EPGN: variants seen among roughly 807,000 people sequenced by gnomAD.
The protein encoded by EPGN is epithelial mitogen.
In EPGN, 21 loss-of-function variants were observed where a neutral mutation model predicts 20.7. The ratio of observed to expected loss-of-function variants is 1.01; its 90% CI spans 0.72 to 1.46. The LOEUF (loss-of-function observed/expected upper bound fraction) is 1.46, where lower values mean the gene tolerates loss of function less well. Ranked by LOEUF, EPGN falls within the 40% of genes most tolerant of loss-of-function variation. EPGN has a pLI of 0.00. For synonymous variants in EPGN, 69 were observed against 63.8 expected (o/e 1.08, Z -0.39); for missense variants, 199 against 180.7 (o/e 1.10, Z -0.58).
chr4:74,309,177 C>T lies in EPGN; in HGVS notation c.128C>T (p.Thr43Ile), dbSNP rs1750731806. 1 of 1,611,172 alleles carries T rather than the reference C, an allele frequency of 6.2e-7. No homozygotes were observed. Among genetic ancestry groups the T allele is most frequent in the Non-Finnish European group, 8.5e-7 (1 of 1,178,322 alleles). Residue 43 changes from threonine (T) to isoleucine (I), a missense_variant, in exon 2 of 5, where the codon ACA becomes ATA. Coordinates refer to ENST00000413830, the MANE Select transcript of EPGN (RefSeq NM_001270989.2). ...AQQGNWTVNK[T>I]EADNIEGPIA... ...CAAGGTAACTGGACAGTTAACAAAA[C>T]AGAAGGTATTTTCTTCCCATTTTCA...
At chr4:74,312,391 C>T in intron 3 of EPGN, 86 bp downstream of exon 3, 1 of 1,448,108 alleles carries the variant, frequency 6.9e-7, no homozygotes. Context: ...CCACACTTTT[C>T]TCTCTTTAGT....
intron 3 of EPGN, 68 bp downstream of exon 3, chr4:74,312,373 G>A: frequency 6.6e-7 from 1 of 1,513,380 alleles, no homozygotes; most frequent in Non-Finnish European, 8.8e-7. Flanking sequence ...GTTTCATATA[G>A]TACATTTCCA....
intron 2 of EPGN, among the ~76,000 whole-genome samples, chr4:74,309,874 A>C (rs1323379049): frequency 6.6e-6 from 1 of 152,138 alleles, no homozygotes; most frequent in Non-Finnish European, 1.5e-5. Flanking sequence ...TGCAAATCGC[A>C]TCCTGATTGC....
rs1750685167 is a variant in EPGN at position 74,308,592 on chromosome 4, T to C, written c.43+16T>C. ...TTATTCAACGGTAGGTAATTTCCTT[T>C]TGTTTTGTTAACTTTATATCAGTGT... On this transcript the variant is annotated intron_variant, in intron 1 of 4. Coordinates refer to ENST00000413830, the MANE Select transcript of EPGN (RefSeq NM_001270989.2). 1 of 1,607,066 alleles carries C rather than the reference T, an allele frequency of 6.2e-7. No individual in the cohort carries two copies. The highest frequency in any genetic ancestry group is 1.1e-5 in the South Asian group (1 of 90,232).
At chr4:74,312,880 A>C in intron 3 of EPGN, 138 bp from the exon 4 acceptor site, 1 of 707,996 alleles carries the variant, frequency 1.4e-6, no homozygotes, top group Non-Finnish European at 2.2e-6. Flanking sequence ...TGCCCGTAAC[A>C]GATTGGCTTT....
At position 74,312,239 on chromosome 4, in the gene EPGN, A is replaced by G. The variant is rs751639068; in HGVS notation, c.188A>G (p.Asp63Gly). Residue 63 changes from aspartate to glycine, a missense_variant, in exon 3 of 5, where the codon GAT becomes GGT. By Grantham distance (94) the Asp-to-Gly change is moderately conservative. Transcript: ENST00000413830. ...ALKFSHLCLE[D>G]HNSYCINGAC... ...AAGTTCTCACACCTTTGCCTGGAAG[A>G]TCATAACAGTTACTGCATCAACGGT... 92 of 1,613,438 alleles carry G rather than the reference A, an allele frequency of 5.7e-5. 4 individuals carry two copies. In the South Asian group the frequency reaches 7.9e-4, roughly 14 times the overall value.
chr4:74,313,746 G>C (rs1751119177), intron 4 of EPGN, among the ~76,000 whole-genome samples: 1 of 152,020 alleles, frequency 6.6e-6, no homozygotes, highest in Non-Finnish European at 1.5e-5. Context: ...TTCCACATGA[G>C]TAATTTTTCC....
intron 4 of EPGN, among the ~76,000 whole-genome samples, chr4:74,313,947 A>G (rs1367881301): frequency 6.6e-6 from 1 of 152,146 alleles, no homozygotes; most frequent in Admixed American, 6.5e-5. Flanking sequence ...TCTATATTAT[A>G]TCAGTTGTAG....
At chr4:74,310,964 C>A (rs1040798854) in intron 2 of EPGN, among the ~76,000 whole-genome samples, 5 of 152,008 alleles carry the variant, frequency 3.3e-5, no homozygotes, top group African/African-American at 1.2e-4. Flanking sequence ...AGATGTGGAA[C>A]CTATGAATAC....
chr4:74,314,751 A>C lies in EPGN; in HGVS notation c.*114A>C. The C allele has an allele frequency of 1.0e-6, 1 of 956,566 alleles. No individual in the cohort carries two copies. The highest frequency in any genetic ancestry group is 2.6e-5 in the East Asian group (1 of 37,964). The allele number at this position is 956,566 out of a possible 1,614,324, so 59.3% of individuals were successfully genotyped here. A position where few individuals can be genotyped will look rare whatever the true frequency, so the allele number is the denominator to read the frequency against. The stretch of plus-strand genomic sequence containing the variant: ...AGCTGACTAGACTCGAAAATAATGA[A>C]AGTTGGGATCACAATGAAATGAGAA... On this transcript the variant is annotated 3_prime_UTR_variant, in exon 5 of 5. Coordinates refer to ENST00000413830, the MANE Select transcript of EPGN (RefSeq NM_001270989.2).
chr4:74,315,021 A>G lies in EPGN; in HGVS notation c.*384A>G. 1 of 200,970 alleles carries G rather than the reference A, an allele frequency of 5.0e-6. No homozygotes were observed. The highest frequency in any genetic ancestry group is 1.0e-5 in the Non-Finnish European group (1 of 99,990). 12.4% of individuals were successfully genotyped at this position (200,970 alleles called of 1,614,324 possible). Reference sequence around the variant, plus strand: ...AAGCAATGCCTCGCTTGGGTTCTTCATGTTCTTACTACCCAGCGTTTTTTA... The same window carrying G: ...AAGCAATGCCTCGCTTGGGTTCTTCGTGTTCTTACTACCCAGCGTTTTTTA... On this transcript the variant is annotated 3_prime_UTR_variant, in exon 5 of 5. Transcript: ENST00000413830.
At chr4:74,311,384 A>T (rs892227937) in intron 2 of EPGN, among the ~76,000 whole-genome samples, 1 of 152,184 alleles carries the variant, frequency 6.6e-6, no homozygotes, top group Non-Finnish European at 1.5e-5. Flanking sequence ...GTAATACAAC[A>T]TAGTATTTTG....
In EPGN at chr4:74,316,526, T is replaced by C. The variant is rs549400999; in HGVS notation, c.*1889T>C. Among the ~76,000 whole-genome samples, 1 of 152,362 alleles carries C rather than the reference T, an allele frequency of 6.6e-6. No homozygotes were observed. The highest frequency in any genetic ancestry group is 2.1e-4 in the South Asian group (1 of 4,832). On this transcript the variant is annotated 3_prime_UTR_variant, in exon 5 of 5. Transcript: ENST00000413830. ...AGTAGAAGGTATTTAACTTGTTTTG[T>C]TTTTCCTTCAGAAGGAATTTAATGC...
In EPGN at chr4:74,314,567, T is replaced by C; in HGVS notation, c.408-13T>C. ...ACAGTCAAATTCATATGGAAACCAA[T>C]GCTCTGTTTCAGGTGTCTAAAATTG... On this transcript the variant is annotated splice_polypyrimidine_tract_variant and intron_variant, in intron 4 of 4. Coordinates refer to ENST00000413830, the MANE Select transcript of EPGN (RefSeq NM_001270989.2). 1 of 1,535,704 alleles carries C rather than the reference T, an allele frequency of 6.5e-7. No homozygotes were observed. The highest frequency in any genetic ancestry group is 8.7e-7 in the Non-Finnish European group (1 of 1,146,528).
chr4:74,311,561 A>C (rs16850899), intron 2 of EPGN, among the ~76,000 whole-genome samples: 9,163 of 152,226 alleles, frequency 0.06, 631 homozygotes, highest in African/African-American at 0.16. Context: ...TAAAAATGAC[A>C]AGTAAAATCC....
At position 74,316,380 on chromosome 4, in the gene EPGN, T is replaced by C. The variant is rs1305943194; in HGVS notation, c.*1743T>C. On this transcript the variant is annotated 3_prime_UTR_variant, in exon 5 of 5. Transcript: ENST00000413830. The stretch of plus-strand genomic sequence containing the variant: ...GCAAGACAATTTTGATCATGAGTGG[T>C]GAAAAGAGGATCAAACTTGACTATT... Among the ~76,000 whole-genome samples the C allele has an allele frequency of 1.3e-5, 2 of 152,280 alleles. No homozygotes were observed. Among genetic ancestry groups the C allele is most frequent in the Middle Eastern group, 3.4e-3 (1 of 294 alleles).
intron 1 of EPGN, 53 bp downstream of exon 1, chr4:74,308,629 A>C: frequency 6.7e-7 from 1 of 1,486,180 alleles, no homozygotes; most frequent in Non-Finnish European, 9.3e-7. Flanking sequence ...AAATGTGAAT[A>C]GAATTTATTT....
chr4:74,316,517 C>T lies in EPGN; in HGVS notation c.*1880C>T, dbSNP rs185153579. On this transcript the variant is annotated 3_prime_UTR_variant, in exon 5 of 5. Coordinates refer to ENST00000413830, the MANE Select transcript of EPGN (RefSeq NM_001270989.2). ...TTTCCTTTGAGTAGAAGGTATTTAA[C>T]TTGTTTTGTTTTTCCTTCAGAAGGA... Among the ~76,000 whole-genome samples, 38 of 152,256 alleles carry T rather than the reference C, an allele frequency of 2.5e-4. No individual in the cohort carries two copies. Among genetic ancestry groups the T allele is most frequent in the Non-Finnish European group, 4.7e-4 (32 of 68,010 alleles).
chr4:74,313,567 A>T, intron 4 of EPGN: 1 of 1,044,120 alleles, frequency 9.6e-7, no homozygotes, highest in South Asian at 4.5e-5. Context: ...AGTGAAATAA[A>T]ATCAAGAAAC....
Sources: allele counts gnomAD v4.1 joint callset (sites outside exome capture counted in the v4.1 genomes callset), GRCh38; gene constraint gnomAD v4.1.1; transcripts MANE v1.5; gene names NCBI Gene and HGNC (gene_info 2026-07-23, HGNC 2026-07-21).